FOXP1: variants seen among roughly 807,000 people sequenced by gnomAD.
The protein encoded by FOXP1 is forkhead box protein P1.
A neutral mutation model predicts 98.2 loss-of-function variants in FOXP1; 15 were observed. The ratio of observed to expected loss-of-function variants is 0.15; its 90% CI spans 0.10 to 0.24. The LOEUF (loss-of-function observed/expected upper bound fraction) is 0.24, where lower values mean the gene tolerates loss of function less well. Ranked by LOEUF, FOXP1 falls within the 10% of genes least tolerant of loss-of-function variation. The pLI, the probability that FOXP1 is intolerant of heterozygous loss-of-function variation, is 1.00. For missense variants in FOXP1, 633 were observed against 848.5 expected, an observed-to-expected ratio of 0.75 and a Z score of 3.15; for synonymous variants, 371 against 314.5, an observed-to-expected ratio of 1.18 and a Z score of -1.90.
chr3:71,005,063 C>T (rs2042592191), intron 12 of FOXP1, among the ~76,000 whole-genome samples: 1 of 151,880 alleles, frequency 6.6e-6, no homozygotes. Flanking sequence ...TAAAATCTTG[C>T]TAAAATACAG....
intron 4 of FOXP1, chr3:71,333,115 C>G (rs1463164791): frequency 6.6e-6 from 1 of 152,120 alleles, no homozygotes; most frequent in Non-Finnish European, 1.5e-5. Context: ...GGACTCCACA[C>G]TGAGGAAAAA....
intron 3 of FOXP1, among the ~76,000 whole-genome samples, chr3:71,362,323 T>G (rs1014627190): frequency 6.6e-6 from 1 of 151,998 alleles, no homozygotes; most frequent in Non-Finnish European, 1.5e-5. Flanking sequence ...AGGTGCCCAC[T>G]GTAATGCCCA....
chr3:71,391,741 T>C (rs1577267363), intron 3 of FOXP1, among the ~76,000 whole-genome samples: 3 of 152,212 alleles, frequency 2.0e-5, no homozygotes, highest in African/African-American at 2.4e-5. Flanking sequence ...CACAGTTGTT[T>C]TGGAGAATTC....
chr3:70,973,141 C>T (rs1476897371), intron 17 of FOXP1, among the ~76,000 whole-genome samples: 2 of 152,186 alleles, frequency 1.3e-5, no homozygotes, highest in South Asian at 2.1e-4. Context: ...GCTTTTAAAA[C>T]TTCCAGAGGT....
chr3:71,141,426 C>A (rs536143629), intron 6 of FOXP1, among the ~76,000 whole-genome samples: 4 of 152,292 alleles, frequency 2.6e-5, no homozygotes, highest in African/African-American at 7.2e-5. Context: ...TCCCCTCCCC[C>A]ACTTTTAAGA....
chr3:70,959,121 CA>C lies in FOXP1; in HGVS notation c.*125del. ...AAGAGTTAACACATTTCAGAGTTGT[CA>C]AAACGTAGTGAAAATCCTCCAGACT... On this transcript the variant is annotated 3_prime_UTR_variant, in exon 21 of 21. Transcript: ENST00000649528. The C allele has an allele frequency of 9.0e-7, 1 of 1,114,820 alleles. No individual in the cohort carries two copies. Among genetic ancestry groups the C allele is most frequent in the Non-Finnish European group, 1.3e-6 (1 of 748,446 alleles). 69.1% of individuals were successfully genotyped at this position (1,114,820 alleles called of 1,614,324 possible).
At chr3:71,317,742 T>C (rs1231353493) in intron 4 of FOXP1, among the ~76,000 whole-genome samples, 1 of 152,108 alleles carries the variant, frequency 6.6e-6, no homozygotes, top group Non-Finnish European at 1.5e-5. Context: ...CCCCACACAA[T>C]TGTTATTTTC....
At chr3:71,384,702 G>C (rs1404827815) in intron 3 of FOXP1, among the ~76,000 whole-genome samples, 16 of 152,192 alleles carry the variant, frequency 1.1e-4, no homozygotes, top group Admixed American at 1.0e-3. Context: ...CAACTGTAAA[G>C]GGTTCAGGTG....
At chr3:71,489,763 G>T (rs1465552216) in intron 3 of FOXP1, among the ~76,000 whole-genome samples, 1 of 152,200 alleles carries the variant, frequency 6.6e-6, no homozygotes, top group Non-Finnish European at 1.5e-5. Flanking sequence ...AATTTATTAT[G>T]CAAGCATGGT....
chr3:71,458,420 CA>C (rs756008863), intron 3 of FOXP1, among the ~76,000 whole-genome samples: 21 of 152,208 alleles, frequency 1.4e-4, no homozygotes, highest in Non-Finnish European at 2.4e-4. Context: ...TACATACTGT[CA>C]ATTTCTCAAG....
At chr3:71,446,788 T>C (rs533861806) in intron 3 of FOXP1, among the ~76,000 whole-genome samples, 22 of 152,246 alleles carry the variant, frequency 1.4e-4, no homozygotes, top group Non-Finnish European at 2.6e-4. Flanking sequence ...TTTTAAAAAC[T>C]GGCACTTTCC....
In FOXP1 at chr3:70,955,364, A is replaced by G. The variant is rs2031520393; in HGVS notation, c.*3883T>C. On this transcript the variant is annotated 3_prime_UTR_variant, in exon 21 of 21. Coordinates refer to ENST00000649528, the MANE Select transcript of FOXP1 (RefSeq NM_001349338.3). ...CAGGACTGGTGGTAACTCTTCACGT[A>G]TGTACATAAGCCTTGATATTCCATT... 4.3e-6 allele frequency: 1 copy of G among 232,894 alleles called. No individual in the cohort carries two copies. The highest frequency in any genetic ancestry group is 8.5e-6 in the Non-Finnish European group (1 of 117,844). The allele number at this position is 232,894 out of a possible 1,614,324, so 14.4% of individuals were successfully genotyped here.
chr3:71,386,120 C>T (rs1217736014), intron 3 of FOXP1, among the ~76,000 whole-genome samples: 1 of 152,190 alleles, frequency 6.6e-6, no homozygotes, highest in African/African-American at 2.4e-5. Context: ...ACCTCTCCAT[C>T]ACTGCCTTTC....
At chr3:70,965,516 T>C (rs759999159) in intron 20 of FOXP1, among the ~76,000 whole-genome samples, 18 of 152,180 alleles carry the variant, frequency 1.2e-4, no homozygotes, top group Non-Finnish European at 2.4e-4. Context: ...AAGCATCTTT[T>C]TCTCTCGGCT....
chr3:71,242,210 T>C (rs2067342055), intron 5 of FOXP1, among the ~76,000 whole-genome samples: 2 of 152,144 alleles, frequency 1.3e-5, no homozygotes, highest in Admixed American at 6.5e-5. Context: ...CCATATTCAT[T>C]TAAAAGACAT....
chr3:71,110,182 T>C (rs2057798684), intron 7 of FOXP1, among the ~76,000 whole-genome samples: 1 of 152,072 alleles, frequency 6.6e-6, no homozygotes, highest in African/African-American at 2.4e-5. Context: ...CCCTGAAACT[T>C]TACTTCTTAT....
At chr3:71,041,611 C>G in intron 10 of FOXP1, 79 bp from the exon 11 acceptor site, 15 of 1,410,446 alleles carry the variant, frequency 1.1e-5, no homozygotes, top group Non-Finnish European at 1.5e-5. Flanking sequence ...ATCAAAGAGT[C>G]AGTAAACAAA....
At chr3:71,545,919 G>A (rs1374774441) in intron 2 of FOXP1, among the ~76,000 whole-genome samples, 1 of 152,146 alleles carries the variant, frequency 6.6e-6, no homozygotes, top group African/African-American at 2.4e-5. Flanking sequence ...CATGGGCACA[G>A]GTTTCCAGAA....
At chr3:71,397,090 A>ATATATATACATATATATATATGTG (rs1560425821) in intron 3 of FOXP1, among the ~76,000 whole-genome samples, 2 of 96,582 alleles carry the variant, frequency 2.1e-5, no homozygotes, top group African/African-American at 3.8e-5. Context: ...ATATGTGTAT[A>ATATATATACATATATATATATGTG]TATATATATA....
Sources: gnomAD v4.1 joint callset for allele counts (sites outside exome capture counted in the v4.1 genomes callset) on GRCh38, gnomAD v4.1.1 for gene constraint, MANE v1.5 for transcripts, NCBI Gene and HGNC (gene_info 2026-07-23, HGNC 2026-07-21) for gene names.